The following CDK14 variants were observed in gnomAD, a reference collection of about 807,000 sequenced individuals.
CDK14 encodes cyclin-dependent kinase 14.
In CDK14, 34 loss-of-function variants were observed where a neutral mutation model predicts 60.7. The observed-to-expected ratio is 0.56, with a 90% CI of 0.43 to 0.75. The LOEUF (loss-of-function observed/expected upper bound fraction) is 0.75, where lower values mean the gene tolerates loss of function less well. Among genes scored for constraint, CDK14 ranks in the 30% least tolerant of loss-of-function variants. The pLI, the probability that CDK14 is intolerant of heterozygous loss-of-function variation, is 0.00. For missense variants in CDK14, 482 were observed against 564.1 expected (o/e 0.85, Z 1.47); for synonymous variants, 197 against 203.7 (o/e 0.97, Z 0.28).
At chr7:91,060,468 G>T (rs187655250) in intron 11 of CDK14, among the ~76,000 whole-genome samples, 3 of 152,100 alleles carry the variant, frequency 2.0e-5, no homozygotes, top group Admixed American at 6.6e-5. Context: ...GATTTTGCGC[G>T]TTAGTTGATG....
At chr7:90,849,896 T>A (rs950179735) in intron 5 of CDK14, among the ~76,000 whole-genome samples, 1 of 152,062 alleles carries the variant, frequency 6.6e-6, no homozygotes, top group Non-Finnish European at 1.5e-5. Flanking sequence ...TCATGCTGAA[T>A]AAAATGTTGG....
At chr7:90,631,569 A>G (rs1362363772) in intron 2 of CDK14, among the ~76,000 whole-genome samples, 1 of 152,160 alleles carries the variant, frequency 6.6e-6, no homozygotes, top group Non-Finnish European at 1.5e-5. Context: ...TTTCTTAGTG[A>G]TTAACAACCA....
chr7:90,848,791 A>C (rs1030465788), intron 5 of CDK14, among the ~76,000 whole-genome samples: 2 of 152,198 alleles, frequency 1.3e-5, no homozygotes, highest in African/African-American at 4.8e-5. Context: ...AAAGAAACAA[A>C]TGTCCCATGC....
At chr7:90,600,201 A>T (rs950834099) in intron 1 of CDK14, among the ~76,000 whole-genome samples, 3 of 152,172 alleles carry the variant, frequency 2.0e-5, no homozygotes, top group Non-Finnish European at 2.9e-5. Flanking sequence ...GTGGTTCCTT[A>T]TTTAGGAATT....
At chr7:90,947,169 C>T (rs1794125901) in intron 8 of CDK14, among the ~76,000 whole-genome samples, 1 of 152,284 alleles carries the variant, frequency 6.6e-6, no homozygotes, top group South Asian at 2.1e-4. Flanking sequence ...TTTTTGGAAC[C>T]TTTTTCCAGA....
chr7:90,787,121 A>T (rs1805618087), intron 4 of CDK14, among the ~76,000 whole-genome samples: 1 of 152,160 alleles, frequency 6.6e-6, no homozygotes, highest in African/African-American at 2.4e-5. Context: ...AGTAATTAAG[A>T]AAGGAGAAAG....
chr7:90,751,978 A>C (rs574915382), intron 4 of CDK14, among the ~76,000 whole-genome samples: 2 of 152,364 alleles, frequency 1.3e-5, no homozygotes, highest in South Asian at 2.1e-4. Flanking sequence ...AAGAAGACTT[A>C]ACTATCCTAA....
intron 2 of CDK14, among the ~76,000 whole-genome samples, chr7:90,613,755 A>G (rs1173528456): frequency 6.6e-6 from 1 of 151,730 alleles, no homozygotes; most frequent in East Asian, 1.9e-4. Flanking sequence ...CAGCCTAACT[A>G]CTCTATTTTC....
At chr7:90,982,021 T>C (rs953444116) in intron 9 of CDK14, among the ~76,000 whole-genome samples, 2 of 152,218 alleles carry the variant, frequency 1.3e-5, no homozygotes, top group Non-Finnish European at 2.9e-5. Context: ...TCTAATTGGC[T>C]GTCTGTCCAT....
At chr7:90,691,101 G>T (rs17163076) in intron 2 of CDK14, among the ~76,000 whole-genome samples, 9,625 of 151,860 alleles carry the variant, frequency 0.063, 345 homozygotes, top group South Asian at 0.096. Context: ...TCCCTGTTTG[G>T]TCACACAATT....
At chr7:90,778,511 G>A (rs911394185) in intron 4 of CDK14, among the ~76,000 whole-genome samples, 1 of 152,120 alleles carries the variant, frequency 6.6e-6, no homozygotes, top group African/African-American at 2.4e-5. Flanking sequence ...ACACCATAGC[G>A]AGTGAGCTGC....
At chr7:91,098,822 C>G (rs1799082123) in intron 12 of CDK14, among the ~76,000 whole-genome samples, 1 of 152,200 alleles carries the variant, frequency 6.6e-6, no homozygotes, top group South Asian at 2.1e-4. Flanking sequence ...CTGTAGGAGT[C>G]AGACTGTAAA....
chr7:90,717,166 G>A (rs1461170081), intron 2 of CDK14, among the ~76,000 whole-genome samples: 1 of 151,988 alleles, frequency 6.6e-6, no homozygotes, highest in Non-Finnish European at 1.5e-5. Flanking sequence ...ACAAAATGAA[G>A]AAGTATAGGC....
At chr7:91,155,307 T>C (rs1800952441) in intron 14 of CDK14, among the ~76,000 whole-genome samples, 3 of 152,142 alleles carry the variant, frequency 2.0e-5, no homozygotes, top group Admixed American at 6.5e-5. Context: ...CAATGCCAAA[T>C]AGCAAAACGT....
chr7:90,631,584 C>T lies in CDK14; in HGVS notation c.123+27335C>T, dbSNP rs548175560. On this transcript the variant is annotated intron_variant, in intron 2 of 14. Transcript: ENST00000380050. ...TTTCTTAGTGATTAACAACCAAACC[C>T]ATGAAGACTTATAGACTGGGGAGAC... is the stretch of plus-strand genomic sequence containing the variant. Among the ~76,000 whole-genome samples, 279 of 152,278 alleles carry T rather than the reference C, an allele frequency of 1.8e-3. 2 individuals are homozygous for T. The highest frequency in any genetic ancestry group is 6.5e-3 in the African/African-American group (270 of 41,544).
At chr7:91,059,610 G>T (rs1031043540) in intron 11 of CDK14, among the ~76,000 whole-genome samples, 3 of 138,916 alleles carry the variant, frequency 2.2e-5, no homozygotes, top group African/African-American at 8.1e-5. Context: ...TGGTGTCTTT[G>T]TTCTCATTGG....
At chr7:91,106,591 C>T (rs955842328) in intron 12 of CDK14, among the ~76,000 whole-genome samples, 3 of 151,764 alleles carry the variant, frequency 2.0e-5, no homozygotes, top group Non-Finnish European at 4.4e-5. Context: ...AAATATTAGA[C>T]AATAATATGA....
intron 7 of CDK14, 44 bp downstream of exon 7, chr7:90,899,397 T>C: frequency 6.9e-7 from 1 of 1,449,928 alleles, no homozygotes; most frequent in Non-Finnish European, 9.3e-7. Flanking sequence ...ATTCTTGATG[T>C]GTATTTTTTG....
At chr7:90,901,024 C>T (rs1792488979) in intron 7 of CDK14, among the ~76,000 whole-genome samples, 1 of 152,108 alleles carries the variant, frequency 6.6e-6, no homozygotes, top group African/African-American at 2.4e-5. Context: ...TTTATTTTCC[C>T]TTATCTCCTA....
Sources: allele counts gnomAD v4.1 joint callset (sites outside exome capture counted in the v4.1 genomes callset), GRCh38; gene constraint gnomAD v4.1.1; transcripts MANE v1.5; gene names NCBI Gene and HGNC (gene_info 2026-07-23, HGNC 2026-07-21).